The following INPP4B variants were observed in gnomAD, a reference collection of about 807,000 sequenced individuals.
INPP4B encodes inositol polyphosphate 4-phosphatase type II.
A neutral mutation model predicts 122.5 loss-of-function variants in INPP4B; 55 were observed. The observed-to-expected ratio is 0.45, with a 90% CI of 0.36 to 0.56. The LOEUF is 0.56. Ranked by LOEUF, INPP4B falls within the 20% of genes least tolerant of loss-of-function variation. The probability of loss-of-function intolerance (pLI) is 0.00; values close to 1 mark genes in which losing one functional copy is unlikely to be tolerated. For synonymous variants in INPP4B, 403 were observed against 388.7 expected (o/e 1.04, Z -0.43); for missense variants, 1,000 against 1,097.7 (o/e 0.91, Z 1.26).
intron 1 of INPP4B, among the ~76,000 whole-genome samples, chr4:142,783,789 C>T (rs528686039): frequency 1.3e-5 from 2 of 152,114 alleles, no homozygotes; most frequent in Admixed American, 6.6e-5. Context: ...CTCTTTCTTA[C>T]CAATTATTGA....
chr4:142,771,223 C>T (rs917176035), intron 1 of INPP4B, among the ~76,000 whole-genome samples: 18 of 151,928 alleles, frequency 1.2e-4, no homozygotes, highest in African/African-American at 4.1e-4. Context: ...GTCACCATAC[C>T]ACATGAACAA....
chr4:142,305,334 A>G, intron 9 of INPP4B, 124 bp downstream of exon 9: 1 of 704,728 alleles, frequency 1.4e-6, no homozygotes, highest in Non-Finnish European at 2.5e-6. Context: ...GCAGTGGAGA[A>G]CATTAGCTAT....
At chr4:142,060,655 G>A (rs560273229) in intron 25 of INPP4B, among the ~76,000 whole-genome samples, 47 of 152,192 alleles carry the variant, frequency 3.1e-4, no homozygotes, top group Admixed American at 7.9e-4. Context: ...GACTTAATCC[G>A]TAGGTTAAAA....
chr4:142,348,219 TACA>T (rs941335095), intron 7 of INPP4B, among the ~76,000 whole-genome samples: 3 of 151,984 alleles, frequency 2.0e-5, no homozygotes, highest in African/African-American at 7.2e-5. Context: ...ACCCTGCTAC[TACA>T]ACAAGGTCAT....
intron 11 of INPP4B, among the ~76,000 whole-genome samples, chr4:142,239,548 G>A (rs1270737643): frequency 1.3e-5 from 2 of 151,962 alleles, no homozygotes; most frequent in East Asian, 1.9e-4. Flanking sequence ...AGAACTTACA[G>A]CCAATCAATA....
At chr4:142,738,051 C>A (rs996589032) in intron 1 of INPP4B, among the ~76,000 whole-genome samples, 10 of 152,136 alleles carry the variant, frequency 6.6e-5, no homozygotes, top group Non-Finnish European at 1.3e-4. Context: ...GTCAGTGTGG[C>A]AATTCCTCAG....
chr4:142,446,108 G>A (rs1212328084), intron 3 of INPP4B, among the ~76,000 whole-genome samples: 1 of 151,454 alleles, frequency 6.6e-6, no homozygotes, highest in Non-Finnish European at 1.5e-5. Context: ...ACTAGAAAAA[G>A]GGCAAATTAA....
chr4:142,717,105 C>A (rs72728618), intron 2 of INPP4B, among the ~76,000 whole-genome samples: 1,980 of 152,108 alleles, frequency 0.013, 24 homozygotes, highest in Non-Finnish European at 0.021. Flanking sequence ...AATGAATATA[C>A]CAAGTGGTTA....
intron 2 of INPP4B, among the ~76,000 whole-genome samples, chr4:142,506,077 G>A (rs1042265053): frequency 6.6e-6 from 1 of 152,126 alleles, no homozygotes; most frequent in Non-Finnish European, 1.5e-5. Context: ...GTCGAAGTTT[G>A]TTTTAATGTT....
At chr4:142,498,981 G>A (rs1478854420) in intron 2 of INPP4B, among the ~76,000 whole-genome samples, 1 of 152,122 alleles carries the variant, frequency 6.6e-6, no homozygotes, top group African/African-American at 2.4e-5. Flanking sequence ...CAATCTGTGT[G>A]ACTCTGTAAA....
chr4:142,227,201 G>C (rs1337477614), intron 12 of INPP4B, among the ~76,000 whole-genome samples: 2 of 152,082 alleles, frequency 1.3e-5, no homozygotes, highest in Admixed American at 1.3e-4. Context: ...AGTCTGTAAG[G>C]GATGGATAGA....
intron 1 of INPP4B, among the ~76,000 whole-genome samples, chr4:142,793,642 G>GA: frequency 6.6e-6 from 1 of 151,926 alleles, no homozygotes; most frequent in East Asian, 1.9e-4. Flanking sequence ...TCAAACAAAA[G>GA]AAAAAATAAA....
chr4:142,174,709 C>T (rs1211535236), intron 15 of INPP4B, among the ~76,000 whole-genome samples: 1 of 152,028 alleles, frequency 6.6e-6, no homozygotes, highest in Non-Finnish European at 1.5e-5. Flanking sequence ...ACTGCATCAT[C>T]TAACTCTTTG....
intron 16 of INPP4B, among the ~76,000 whole-genome samples, chr4:142,162,931 C>G (rs1025470139): frequency 6.6e-6 from 1 of 151,868 alleles, no homozygotes; most frequent in South Asian, 2.1e-4. Flanking sequence ...TAGAGAATCA[C>G]ATTTTTTAGA....
At chr4:142,434,670 T>C (rs1810049454) in intron 3 of INPP4B, among the ~76,000 whole-genome samples, 2 of 152,172 alleles carry the variant, frequency 1.3e-5, no homozygotes, top group Admixed American at 6.5e-5. Context: ...GGTTATAGTG[T>C]TGGCTTTCTA....
chr4:142,482,547 T>C (rs1820688038), intron 2 of INPP4B, among the ~76,000 whole-genome samples: 1 of 152,160 alleles, frequency 6.6e-6, no homozygotes, highest in African/African-American at 2.4e-5. Context: ...ACGCTAAATA[T>C]TTCTGATTAT....
At chr4:142,152,100 G>A (rs1579090594) in intron 17 of INPP4B, among the ~76,000 whole-genome samples, 1 of 99,300 alleles carries the variant, frequency 1.0e-5, no homozygotes, top group African/African-American at 5.3e-5. Flanking sequence ...TTTTGACGGA[G>A]TCTCGCTCTG....
chr4:142,724,038 A>G (rs1488610308), intron 2 of INPP4B, among the ~76,000 whole-genome samples: 3 of 152,140 alleles, frequency 2.0e-5, no homozygotes, highest in Non-Finnish European at 4.4e-5. Context: ...GAGTTGTATC[A>G]TGCCAAATTT....
chr4:142,209,620 C>A (rs1040953601), intron 12 of INPP4B, among the ~76,000 whole-genome samples: 1 of 151,590 alleles, frequency 6.6e-6, no homozygotes, highest in East Asian at 1.9e-4. Flanking sequence ...TGGTGAAACC[C>A]CATCTCTACT....
Sources: allele counts gnomAD v4.1 joint callset (sites outside exome capture counted in the v4.1 genomes callset), GRCh38; gene constraint gnomAD v4.1.1; transcripts MANE v1.5; gene names NCBI Gene and HGNC (gene_info 2026-07-23, HGNC 2026-07-21).